The following HRH1 variants were observed in gnomAD, a reference collection of about 807,000 sequenced individuals.
HRH1 encodes the protein histamine receptor H1.
HRH1 carries 6 observed loss-of-function variants against 10.3 expected under a neutral mutation model. The ratio of observed to expected loss-of-function variants is 0.58; its 90% CI spans 0.32 to 1.15. The LOEUF (loss-of-function observed/expected upper bound fraction) is 1.15, where lower values mean the gene tolerates loss of function less well. HRH1 is among the 50% of genes most tolerant of loss of function. The pLI is 0.05. For missense variants in HRH1, 514 were observed against 615.3 expected, an observed-to-expected ratio of 0.84 and a Z score of 1.74; for synonymous variants, 242 against 236.7, an observed-to-expected ratio of 1.02 and a Z score of -0.21.
chr3:11,223,357 G>T (rs1428196775), intron 1 of HRH1, among the ~76,000 whole-genome samples: 1 of 152,004 alleles, frequency 6.6e-6, no homozygotes, highest in Non-Finnish European at 1.5e-5. Context: ...AAATCAGCCG[G>T]GGGTGGTGGC....
At chr3:11,178,687 T>A (rs1471730972) in intron 1 of HRH1, among the ~76,000 whole-genome samples, 1 of 152,126 alleles carries the variant, frequency 6.6e-6, no homozygotes, top group Non-Finnish European at 1.5e-5. Context: ...TTGGGCCAAC[T>A]CCAAGGTGTG....
At chr3:11,147,927 A>G (rs2124997695) in intron 1 of HRH1, among the ~76,000 whole-genome samples, 1 of 152,224 alleles carries the variant, frequency 6.6e-6, no homozygotes, top group Non-Finnish European at 1.5e-5. Context: ...CACGCCTGTA[A>G]TCCCAGCACT....
At chr3:11,202,270 G>T (rs1224029285) in intron 1 of HRH1, among the ~76,000 whole-genome samples, 1 of 151,834 alleles carries the variant, frequency 6.6e-6, no homozygotes, top group East Asian at 1.9e-4. Context: ...CCGGTGTGGT[G>T]GTGAGCGCCT....
intron 1 of HRH1, among the ~76,000 whole-genome samples, chr3:11,180,758 A>G (rs917493055): frequency 1.3e-5 from 2 of 152,148 alleles, no homozygotes; most frequent in African/African-American, 4.8e-5. Context: ...TTTAAGGTTG[A>G]TCTACACCGT....
At position 11,262,558 on chromosome 3, in the gene HRH1, T is replaced by C. The variant is rs1051006538; in HGVS notation, c.*2057T>C. On this transcript the variant is annotated 3_prime_UTR_variant, in exon 2 of 2. Transcript: ENST00000431010. ...TTTCAGAAGCTGCAGCTGGTCTGTT[T>C]CCAGGTCAGAAACCATTGTTCAGAA... 1 of 167,128 alleles carries C rather than the reference T, an allele frequency of 6.0e-6. No homozygotes were observed. Among genetic ancestry groups the C allele is most frequent in the Admixed American group, 6.5e-5 (1 of 15,290 alleles). The allele number at this position is 167,128 out of a possible 1,614,324, so 10.4% of individuals were successfully genotyped here.
chr3:11,237,837 T>G (rs1939229058), intron 1 of HRH1, among the ~76,000 whole-genome samples: 1 of 151,682 alleles, frequency 6.6e-6, no homozygotes, highest in South Asian at 2.1e-4. Context: ...CACCACGCCC[T>G]GCTAATTTTT....
At chr3:11,241,770 A>C (rs1457931074) in intron 1 of HRH1, among the ~76,000 whole-genome samples, 1 of 151,224 alleles carries the variant, frequency 6.6e-6, no homozygotes, top group Non-Finnish European at 1.5e-5. Flanking sequence ...TGGGAGGTGG[A>C]GCTTGCAGTG....
At chr3:11,155,103 C>T (rs1488556994) in intron 1 of HRH1, among the ~76,000 whole-genome samples, 1 of 152,112 alleles carries the variant, frequency 6.6e-6, no homozygotes, top group Non-Finnish European at 1.5e-5. Context: ...TCGGAGTCAT[C>T]CTGATCCAAA....
intron 1 of HRH1, among the ~76,000 whole-genome samples, chr3:11,227,522 G>A (rs1331089284): frequency 5.3e-5 from 8 of 152,048 alleles, no homozygotes; most frequent in African/African-American, 1.9e-4. Context: ...CCTGACCTAG[G>A]TGATCTGCCC....
Position 11,205,562 on chromosome 3 carries a change from A to G in HRH1, c.-36+51008A>G, listed in dbSNP as rs541204256. 1.2e-4 allele frequency among the ~76,000 whole-genome samples: 19 copies of G among 152,320 alleles called. No homozygotes were observed. The South Asian group carries it at 3.5e-3, about 28-fold the overall frequency. ...AATTATGCATGGGAAGTACTCAGCAAGCGCATGGCACATGAATGATGTACA... is the reference window on the plus strand; with the variant it reads ...AATTATGCATGGGAAGTACTCAGCAGGCGCATGGCACATGAATGATGTACA... On this transcript the variant is annotated intron_variant, in intron 1 of 1. Coordinates refer to ENST00000431010, the MANE Select transcript of HRH1 (RefSeq NM_001098212.2).
At chr3:11,202,414 A>ATAAATAAAT (rs1937959344) in intron 1 of HRH1, among the ~76,000 whole-genome samples, 1 of 146,734 alleles carries the variant, frequency 6.8e-6, no homozygotes, top group African/African-American at 2.5e-5. Context: ...CAATAAATAA[A>ATAAATAAAT]TAAATAAATA....
chr3:11,225,031 C>T (rs889119899), intron 1 of HRH1, among the ~76,000 whole-genome samples: 20 of 152,156 alleles, frequency 1.3e-4, no homozygotes, highest in South Asian at 4.1e-4. Context: ...TGCTCCACTG[C>T]GGCTGCTAAG....
At chr3:11,195,711 C>A (rs2125024028) in intron 1 of HRH1, among the ~76,000 whole-genome samples, 1 of 152,290 alleles carries the variant, frequency 6.6e-6, no homozygotes, top group South Asian at 2.1e-4. Context: ...TCAAGGAGCT[C>A]CTCATAGGGA....
chr3:11,171,159 C>T (rs1937144037), intron 1 of HRH1, among the ~76,000 whole-genome samples: 1 of 149,320 alleles, frequency 6.7e-6, no homozygotes, highest in South Asian at 2.1e-4. Flanking sequence ...CTCTGTTGCC[C>T]AGGCTGCAGT....
chr3:11,240,060 G>A (rs1416024097), intron 1 of HRH1, among the ~76,000 whole-genome samples: 6 of 152,070 alleles, frequency 3.9e-5, no homozygotes, highest in South Asian at 4.2e-4. Flanking sequence ...GTTCAATCAC[G>A]TGTGCCCAGG....
At chr3:11,161,854 A>G (rs567109647) in intron 1 of HRH1, among the ~76,000 whole-genome samples, 1 of 152,250 alleles carries the variant, frequency 6.6e-6, no homozygotes, top group South Asian at 2.1e-4. Flanking sequence ...GTTTTCTCCC[A>G]CTGGTCTCTC....
Position 11,259,996 on chromosome 3 carries a change from A to T in HRH1, c.959A>T (p.Asp320Val), listed in dbSNP as rs556632912. The change falls in exon 2 of 2, where the codon GAC (aspartate) becomes GTC (valine). Residue 320 changes from aspartate (D) to valine (V), a missense_variant. Transcript: ENST00000431010. This position sits in a 1 kb window ranked among gnomAD's most constrained non-coding sequence, Gnocchi z 4.6. ...MQAAAEGSSRDYVAVNRSHGQ... is the reference protein window; with the variant it reads ...MQAAAEGSSRVYVAVNRSHGQ... Reference sequence around the variant, plus strand: ...GCTGCGGCAGAGGGGAGTAGCAGGGACTATGTAGCCGTCAACCGGAGCCAT... The same window carrying T: ...GCTGCGGCAGAGGGGAGTAGCAGGGTCTATGTAGCCGTCAACCGGAGCCAT... 1 of 1,614,154 alleles carries T rather than the reference A, an allele frequency of 6.2e-7. No individual in the cohort carries two copies. Among genetic ancestry groups the T allele is most frequent in the Non-Finnish European group, 8.5e-7 (1 of 1,180,028 alleles).
Position 11,260,013 on chromosome 3 carries a change from CG to C in HRH1, c.978del (p.Ser327AlafsTer12). On this transcript the variant is annotated frameshift_variant, in exon 2 of 2. Transcript: ENST00000431010. LOFTEE classifies it low-confidence loss of function (END_TRUNC). The part of the protein sequence containing the change: ...GSSRDYVAVN[R>X]SHGQLKTDEQ... The stretch of plus-strand genomic sequence containing the variant: ...TAGCAGGGACTATGTAGCCGTCAAC[CG>C]GAGCCATGGCCAGCTCAAGACAGAT... 1 of 1,614,112 alleles carries C rather than the reference CG, an allele frequency of 6.2e-7. No individual in the cohort carries two copies. Among genetic ancestry groups the C allele is most frequent in the Non-Finnish European group, 8.5e-7 (1 of 1,180,014 alleles).
chr3:11,157,057 C>T (rs558690153), intron 1 of HRH1, among the ~76,000 whole-genome samples: 13 of 152,366 alleles, frequency 8.5e-5, no homozygotes, highest in Admixed American at 4.6e-4. Context: ...ATTGCTGCTA[C>T]GCAGTGCAGC....
Sources: allele counts gnomAD v4.1 joint callset (sites outside exome capture counted in the v4.1 genomes callset), GRCh38; gene constraint gnomAD v4.1.1; non-coding constraint Gnocchi (gnomAD v3.1); transcripts MANE v1.5; gene names NCBI Gene and HGNC (gene_info 2026-07-23, HGNC 2026-07-21).